CHRM3: variants seen among roughly 807,000 people sequenced by gnomAD.
CHRM3 encodes cholinergic receptor muscarinic 3.
In CHRM3, 11 loss-of-function variants were observed where a neutral mutation model predicts 41.8. The ratio of observed to expected loss-of-function variants is 0.26; its 90% CI spans 0.17 to 0.44. CHRM3 has a LOEUF of 0.44. Ranked by LOEUF, CHRM3 falls within the 20% of genes least tolerant of loss-of-function variation. CHRM3 has a pLI of 1.00. For synonymous variants in CHRM3, 297 were observed against 301.4 expected (o/e 0.99, Z 0.15); for missense variants, 571 against 745.4 (o/e 0.77, Z 2.72).
chr1:239,745,647 G>A (rs532938720), intron 5 of CHRM3, among the ~76,000 whole-genome samples: 33 of 151,544 alleles, frequency 2.2e-4, no homozygotes, highest in African/African-American at 3.1e-4. Flanking sequence ...TCTCCTACCC[G>A]CCCCCACCAC....
chr1:239,435,484 ATCT>A (rs796681549), intron 1 of CHRM3, among the ~76,000 whole-genome samples: 89 of 151,802 alleles, frequency 5.9e-4, no homozygotes, highest in African/African-American at 2.1e-3. Flanking sequence ...AGAAGAAAAA[ATCT>A]TCTCTCACTA....
At chr1:239,458,564 A>T (rs1665130007) in intron 1 of CHRM3, among the ~76,000 whole-genome samples, 1 of 152,246 alleles carries the variant, frequency 6.6e-6, no homozygotes, top group Non-Finnish European at 1.5e-5. Flanking sequence ...GTAGGAATGA[A>T]GATATATAAA....
intron 4 of CHRM3, among the ~76,000 whole-genome samples, chr1:239,662,909 T>TCTTCTTCTTCTTCTTCTTCTC (rs1673377584): frequency 7.3e-6 from 1 of 137,434 alleles, no homozygotes; most frequent in Non-Finnish European, 1.6e-5. Flanking sequence ...TTCTTCTTCT[T>TCTTCTTCTTCTTCTTCTTCTC]CTTCTTCTTC....
At chr1:239,728,331 C>T (rs566447288) in intron 5 of CHRM3, among the ~76,000 whole-genome samples, 1 of 151,904 alleles carries the variant, frequency 6.6e-6, no homozygotes, top group Non-Finnish European at 1.5e-5. Flanking sequence ...GCAAAAATAC[C>T]TGCTTTGTAT....
chr1:239,903,891 G>A (rs963411689), intron 6 of CHRM3, among the ~76,000 whole-genome samples: 1 of 152,136 alleles, frequency 6.6e-6, no homozygotes, highest in African/African-American at 2.4e-5. Context: ...TCTGATTGAT[G>A]CCTGTCCCAA....
At chr1:239,702,680 A>T (rs1660795858) in intron 5 of CHRM3, among the ~76,000 whole-genome samples, 1 of 152,264 alleles carries the variant, frequency 6.6e-6, no homozygotes, top group South Asian at 2.1e-4. Flanking sequence ...GCGCGATCTC[A>T]GCTCACTGCA....
intron 4 of CHRM3, among the ~76,000 whole-genome samples, chr1:239,637,517 C>CT (rs149963225): frequency 0.041 from 1,972 of 48,484 alleles, 32 homozygotes; most frequent in Non-Finnish European, 0.05. Context: ...TCATCAAAGT[C>CT]TTTTTTTTTT....
At chr1:239,876,958 C>T (rs954919047) in intron 6 of CHRM3, among the ~76,000 whole-genome samples, 1 of 152,148 alleles carries the variant, frequency 6.6e-6, no homozygotes, top group Admixed American at 6.5e-5. Flanking sequence ...TTTGTTTTCA[C>T]CTTCTATGAA....
chr1:239,754,499 A>G (rs1254312104), intron 5 of CHRM3, among the ~76,000 whole-genome samples: 2 of 152,210 alleles, frequency 1.3e-5, no homozygotes, highest in Admixed American at 6.5e-5. Context: ...GACTGGGGAC[A>G]CTGGGCAGAG....
chr1:239,462,652 A>G (rs1000694399), intron 1 of CHRM3, among the ~76,000 whole-genome samples: 3 of 152,238 alleles, frequency 2.0e-5, no homozygotes, highest in African/African-American at 2.4e-5. Flanking sequence ...TATAAAAGAG[A>G]TAACTTTAGA....
chr1:239,753,075 C>T (rs139569135), intron 5 of CHRM3, among the ~76,000 whole-genome samples: 126 of 152,252 alleles, frequency 8.3e-4, no homozygotes, highest in African/African-American at 2.9e-3. Context: ...ACTGCAAAGA[C>T]ATAAACTACT....
In CHRM3 at chr1:239,695,321, A is replaced by G. The variant is rs530214857; in HGVS notation, c.-147+17033A>G. 4.6e-5 allele frequency among the ~76,000 whole-genome samples: 7 copies of G among 152,244 alleles called. No individual in the cohort carries two copies. In the East Asian group the frequency reaches 1.2e-3, roughly 25 times the overall value. On this transcript the variant is annotated intron_variant, in intron 5 of 6. Transcript: ENST00000676153. The stretch of plus-strand genomic sequence containing the variant: ...CACTGTGCCCGGCCATACAATTTTT[A>G]TACAGAAAATACCATCTTATTTTTT...
intron 1 of CHRM3, among the ~76,000 whole-genome samples, chr1:239,471,581 G>C (rs996474164): frequency 5.3e-5 from 8 of 152,234 alleles, no homozygotes; most frequent in African/African-American, 1.4e-4. Context: ...GGCTAGGAGT[G>C]GGAAAATACT....
At chr1:239,452,347 A>C (rs1262035329) in intron 1 of CHRM3, among the ~76,000 whole-genome samples, 1 of 152,238 alleles carries the variant, frequency 6.6e-6, no homozygotes, top group Non-Finnish European at 1.5e-5. Flanking sequence ...CTACAGCAAT[A>C]AGTGGCTGGT....
chr1:239,778,647 G>A (rs1469067227), intron 5 of CHRM3, among the ~76,000 whole-genome samples: 1 of 152,184 alleles, frequency 6.6e-6, no homozygotes, highest in African/African-American at 2.4e-5. Flanking sequence ...CACAAAGACT[G>A]CATATCCTTT....
At chr1:239,713,717 G>T (rs1662048715) in intron 5 of CHRM3, among the ~76,000 whole-genome samples, 2 of 152,098 alleles carry the variant, frequency 1.3e-5, no homozygotes, top group Admixed American at 1.3e-4. Context: ...GTGACCACTT[G>T]TCCCAGTTTG....
At chr1:239,633,593 T>C (rs943603231) in intron 4 of CHRM3, among the ~76,000 whole-genome samples, 2 of 152,210 alleles carry the variant, frequency 1.3e-5, no homozygotes, top group Non-Finnish European at 2.9e-5. Context: ...TCTGTGGCCA[T>C]GTGACCCAGC....
chr1:239,667,803 C>G (rs1463090223), intron 4 of CHRM3, among the ~76,000 whole-genome samples: 1 of 152,142 alleles, frequency 6.6e-6, no homozygotes, highest in Non-Finnish European at 1.5e-5. Flanking sequence ...CAGAATCCAA[C>G]ACAAATCACC....
chr1:239,575,246 T>TA (rs1213078590), intron 3 of CHRM3, among the ~76,000 whole-genome samples: 5 of 152,036 alleles, frequency 3.3e-5, no homozygotes, highest in African/African-American at 1.2e-4. Flanking sequence ...CACCTTCACA[T>TA]AAAAAAAGGT....
Sources: gnomAD v4.1 joint callset for allele counts (sites outside exome capture counted in the v4.1 genomes callset) on GRCh38, gnomAD v4.1.1 for gene constraint, MANE v1.5 for transcripts, NCBI Gene and HGNC (gene_info 2026-07-23, HGNC 2026-07-21) for gene names.